Variants in PCDH15 observed in about 807,000 individuals in gnomAD.
PCDH15 encodes protocadherin related 15, also known as protocadherin-15.
In PCDH15, 129 loss-of-function variants were observed where a neutral mutation model predicts 178.5. The ratio of observed to expected loss-of-function variants is 0.72; its 90% CI spans 0.63 to 0.84. PCDH15 has a LOEUF of 0.84. Among genes scored for constraint, PCDH15 ranks in the 40% least tolerant of loss-of-function variants. The pLI, the probability that PCDH15 is intolerant of heterozygous loss-of-function variation, is 0.00. For missense variants in PCDH15, 2,230 were observed against 2,099.9 expected, an observed-to-expected ratio of 1.06 and a Z score of -1.21; for synonymous variants, 800 against 732.0, an observed-to-expected ratio of 1.09 and a Z score of -1.50.
intron 1 of PCDH15, among the ~76,000 whole-genome samples, chr10:55,268,128 T>A (rs1452449066): frequency 6.6e-6 from 1 of 152,186 alleles, no homozygotes; most frequent in Non-Finnish European, 1.5e-5. Flanking sequence ...TTCTGTGCTA[T>A]TTGTATTAAT....
chr10:55,233,996 T>C (rs1375710685), intron 1 of PCDH15, among the ~76,000 whole-genome samples: 1 of 152,126 alleles, frequency 6.6e-6, no homozygotes, highest in Non-Finnish European at 1.5e-5. Context: ...ACTCATCTTA[T>C]ATTACCTGAA....
chr10:53,899,992 G>C (rs374820927), intron 26 of PCDH15, among the ~76,000 whole-genome samples: 1 of 13,274 alleles, frequency 7.5e-5, no homozygotes, highest in African/African-American at 4.8e-4. Flanking sequence ...TACTTAGACT[G>C]TGTCTTCCTC....
intron 3 of PCDH15, among the ~76,000 whole-genome samples, chr10:54,447,240 T>G: frequency 6.6e-6 from 1 of 151,736 alleles, no homozygotes; most frequent in South Asian, 2.1e-4. Context: ...GTGTGTGTGG[T>G]GAGAATACTT....
chr10:54,621,057 G>A (rs555302446), intron 2 of PCDH15, among the ~76,000 whole-genome samples: 1 of 152,012 alleles, frequency 6.6e-6, no homozygotes, highest in East Asian at 1.9e-4. Flanking sequence ...TACTGTGTAG[G>A]TGGAGAAAAT....
intron 2 of PCDH15, among the ~76,000 whole-genome samples, chr10:55,545,824 G>T (rs1211970851): frequency 1.3e-5 from 2 of 151,792 alleles, no homozygotes; most frequent in African/African-American, 4.8e-5. Context: ...TTTTCAGTTG[G>T]GTTATGTAAG....
chr10:55,490,727 T>G (rs1462822325), intron 2 of PCDH15, among the ~76,000 whole-genome samples: 2 of 151,730 alleles, frequency 1.3e-5, no homozygotes, highest in African/African-American at 4.8e-5. Context: ...GAAAAAAATA[T>G]TTAAATAAAT....
rs547602287 is a variant in PCDH15 at position 55,267,317 on chromosome 10, A to T, written c.-156+52282T>A. On this transcript the variant is annotated intron_variant, in intron 1 of 5. Transcript: ENST00000458638. ...GTTGAACCTCTAAAGATGAATCCTT[A>T]GATGTGTCATTGAAGCATTTACCTT... 2.2e-4 allele frequency among the ~76,000 whole-genome samples: 34 copies of T among 152,296 alleles called. 3 individuals are homozygous for T. The South Asian group carries it at 6.8e-3, about 31-fold the overall frequency.
chr10:55,447,332 A>G (rs1227467107), intron 2 of PCDH15, among the ~76,000 whole-genome samples: 1 of 152,062 alleles, frequency 6.6e-6, no homozygotes, highest in African/African-American at 2.4e-5. Context: ...TGAGAATTCT[A>G]TATCCAGGCA....
chr10:54,762,736 T>C (rs1198400736), intron 1 of PCDH15, among the ~76,000 whole-genome samples: 2 of 152,102 alleles, frequency 1.3e-5, no homozygotes, highest in Non-Finnish European at 2.9e-5. Flanking sequence ...AATTGAACAT[T>C]TATGAAATGC....
At chr10:55,228,779 A>G (rs1195462478) in intron 1 of PCDH15, among the ~76,000 whole-genome samples, 4 of 152,096 alleles carry the variant, frequency 2.6e-5, no homozygotes, top group Non-Finnish European at 5.9e-5. Context: ...AAATTTTATT[A>G]CCAACATTTT....
chr10:55,526,471 C>CCCT (rs1410105728), intron 2 of PCDH15, among the ~76,000 whole-genome samples: 2 of 151,918 alleles, frequency 1.3e-5, no homozygotes, highest in African/African-American at 4.8e-5. Context: ...ATTAATATTT[C>CCCT]CCTCTGCTTC....
intron 8 of PCDH15, among the ~76,000 whole-genome samples, chr10:54,243,407 A>C (rs1368471216): frequency 6.6e-6 from 1 of 152,120 alleles, no homozygotes; most frequent in East Asian, 1.9e-4. Context: ...CTAGGGAGGC[A>C]TAGGCAGGAG....
chr10:54,594,537 G>A (rs2092095606), intron 2 of PCDH15, among the ~76,000 whole-genome samples: 1 of 152,122 alleles, frequency 6.6e-6, no homozygotes, highest in Non-Finnish European at 1.5e-5. Context: ...CTGACTGGGA[G>A]AGTGCTCCAG....
At chr10:54,751,120 T>A (rs961667452) in intron 1 of PCDH15, among the ~76,000 whole-genome samples, 1 of 152,134 alleles carries the variant, frequency 6.6e-6, no homozygotes, top group Admixed American at 6.5e-5. Flanking sequence ...GTATTAATAC[T>A]ATATTACAAT....
intron 2 of PCDH15, among the ~76,000 whole-genome samples, chr10:54,550,373 T>C (rs1043495597): frequency 6.6e-6 from 1 of 152,130 alleles, no homozygotes; most frequent in African/African-American, 2.4e-5. Context: ...TCCTGTTAGG[T>C]GAGCTGCATG....
chr10:54,240,600 T>C (rs1258455502), intron 8 of PCDH15, among the ~76,000 whole-genome samples: 1 of 148,504 alleles, frequency 6.7e-6, no homozygotes, highest in Non-Finnish European at 1.5e-5. Context: ...CTTAAACTTC[T>C]AAATTCTGTT....
intron 2 of PCDH15, among the ~76,000 whole-genome samples, chr10:54,574,981 T>C (rs1021006229): frequency 2.7e-5 from 4 of 148,552 alleles, no homozygotes; most frequent in East Asian, 2.0e-4. Flanking sequence ...TAAAAAATGA[T>C]GAGTTCATGT....
intron 1 of PCDH15, among the ~76,000 whole-genome samples, chr10:54,710,752 T>C (rs2095420525): frequency 6.6e-6 from 1 of 151,966 alleles, no homozygotes; most frequent in Non-Finnish European, 1.5e-5. Flanking sequence ...AAAAAATACA[T>C]AGAGTGAAAA....
intron 2 of PCDH15, among the ~76,000 whole-genome samples, chr10:54,997,194 G>A (rs892148938): frequency 6.6e-6 from 1 of 152,118 alleles, no homozygotes; most frequent in African/African-American, 2.4e-5. Flanking sequence ...ACCTATGGGG[G>A]CAAACAAAGT....
Sources: allele counts gnomAD v4.1 joint callset (sites outside exome capture counted in the v4.1 genomes callset), GRCh38; gene constraint gnomAD v4.1.1; transcripts MANE v1.5; gene names NCBI Gene and HGNC (gene_info 2026-07-23, HGNC 2026-07-21).